Variants in PEX5L observed in about 807,000 individuals in gnomAD.
PEX5L encodes peroxisomal biogenesis factor 5 like, also known as PEX5-related protein.
Under a neutral mutation model 84.0 loss-of-function variants are expected in PEX5L, and 30 were observed. The observed-to-expected ratio is 0.36, with a 90% CI of 0.27 to 0.48. The LOEUF (loss-of-function observed/expected upper bound fraction) is 0.48. Among genes scored for constraint, PEX5L ranks in the 20% least tolerant of loss-of-function variants. The pLI is 0.99. For missense variants in PEX5L, 533 were observed against 754.6 expected (o/e 0.71, Z 3.44); for synonymous variants, 270 against 283.1 (o/e 0.95, Z 0.46).
chr3:179,915,341 T>C lies in PEX5L; in HGVS notation c.94-17095A>G, dbSNP rs190304851. Among the ~76,000 whole-genome samples, 5 of 152,314 alleles carry C rather than the reference T, an allele frequency of 3.3e-5. No homozygotes were observed. The East Asian group carries it at 9.6e-4, about 29-fold the overall frequency. On this transcript the variant is annotated intron_variant, in intron 2 of 14. Transcript: ENST00000467460. The stretch of plus-strand genomic sequence containing the variant: ...GTGCAGTAGTGCTTTGAGTCAATCT[T>C]GTCTGGATCTGAAGATGTGGGGAGA...
intron 8 of PEX5L, among the ~76,000 whole-genome samples, chr3:179,831,014 C>T (rs948513027): frequency 6.6e-6 from 1 of 152,170 alleles, no homozygotes; most frequent in Admixed American, 6.5e-5. Context: ...GAAAGCAGGT[C>T]TACCATTTTA....
intron 8 of PEX5L, among the ~76,000 whole-genome samples, chr3:179,840,157 T>TG (rs376481293): frequency 1.6e-4 from 17 of 109,232 alleles, no homozygotes; most frequent in African/African-American, 4.9e-4. Context: ...CGTCAAGTTG[T>TG]TTTTTGTGTG....
At chr3:179,888,865 A>G (rs888722009) in intron 3 of PEX5L, among the ~76,000 whole-genome samples, 3 of 152,120 alleles carry the variant, frequency 2.0e-5, no homozygotes, top group African/African-American at 4.8e-5. Flanking sequence ...CCTGGGCTCA[A>G]GCTATCCTCG....
chr3:179,964,921 C>T (rs564774897), intron 2 of PEX5L, among the ~76,000 whole-genome samples: 10 of 152,302 alleles, frequency 6.6e-5, no homozygotes, highest in African/African-American at 2.4e-4. Context: ...TAGATATTTT[C>T]CTCATTTTAT....
chr3:179,883,621 TA>T (rs1386131348), intron 4 of PEX5L, among the ~76,000 whole-genome samples: 19 of 152,058 alleles, frequency 1.2e-4, no homozygotes, highest in Non-Finnish European at 1.5e-5. Context: ...CCGTCTCTAC[TA>T]AAAATACAAA....
chr3:179,811,347 T>A (rs765808562), intron 11 of PEX5L, among the ~76,000 whole-genome samples: 6 of 152,144 alleles, frequency 3.9e-5, no homozygotes, highest in Non-Finnish European at 8.8e-5. Flanking sequence ...TGGCAGAGGC[T>A]ACTTTTCCAG....
At chr3:179,863,192 A>G (rs1322368548) in intron 7 of PEX5L, among the ~76,000 whole-genome samples, 1 of 152,216 alleles carries the variant, frequency 6.6e-6, no homozygotes, top group Non-Finnish European at 1.5e-5. Context: ...CCAACTCAAA[A>G]TGGATTGAAG....
chr3:179,997,785 G>A (rs994185089), intron 1 of PEX5L, among the ~76,000 whole-genome samples: 10 of 152,214 alleles, frequency 6.6e-5, no homozygotes, highest in African/African-American at 2.4e-4. Flanking sequence ...CTGGTACCTG[G>A]TATGCAGCCA....
chr3:179,877,264 C>T (rs1752728786), intron 5 of PEX5L, among the ~76,000 whole-genome samples: 1 of 152,170 alleles, frequency 6.6e-6, no homozygotes, highest in South Asian at 2.1e-4. Flanking sequence ...TCTGTATATA[C>T]CACATTGTGT....
intron 2 of PEX5L, among the ~76,000 whole-genome samples, chr3:179,966,213 G>A (rs1783295021): frequency 6.6e-6 from 1 of 152,154 alleles, no homozygotes; most frequent in Admixed American, 6.6e-5. Flanking sequence ...GAATGTCTCA[G>A]AGTTTCATGC....
At chr3:179,847,883 A>C (rs1451399654) in intron 8 of PEX5L, among the ~76,000 whole-genome samples, 1 of 151,434 alleles carries the variant, frequency 6.6e-6, no homozygotes, top group East Asian at 1.9e-4. Context: ...TCTTTTGTAG[A>C]GATAGGGTCT....
intron 7 of PEX5L, among the ~76,000 whole-genome samples, chr3:179,865,539 A>G (rs947377286): frequency 2.0e-5 from 3 of 151,996 alleles, no homozygotes; most frequent in Admixed American, 6.6e-5. Context: ...TCACAGGCAA[A>G]AGCTGTGGGA....
chr3:179,810,186 T>A (rs1315698795), intron 11 of PEX5L, among the ~76,000 whole-genome samples: 1 of 151,778 alleles, frequency 6.6e-6, no homozygotes, highest in African/African-American at 2.4e-5. Flanking sequence ...ATTTTGTATT[T>A]TTAGTAGAGA....
intron 1 of PEX5L, among the ~76,000 whole-genome samples, chr3:179,984,002 C>A (rs879317365): frequency 1.3e-5 from 2 of 151,978 alleles, no homozygotes; most frequent in African/African-American, 4.8e-5. Context: ...AGTTAAAGAT[C>A]CATTCAAAGT....
At chr3:179,851,969 T>C (rs1274127532) in intron 8 of PEX5L, among the ~76,000 whole-genome samples, 2 of 152,174 alleles carry the variant, frequency 1.3e-5, no homozygotes, top group African/African-American at 4.8e-5. Context: ...GAGTATTAAA[T>C]GGTGTTAGGA....
At chr3:180,019,866 G>T (rs986058187) in intron 1 of PEX5L, among the ~76,000 whole-genome samples, 7 of 152,072 alleles carry the variant, frequency 4.6e-5, no homozygotes, top group Non-Finnish European at 8.8e-5. Flanking sequence ...ATAATATAAG[G>T]ATATTTCTAA....
At chr3:179,846,027 G>A (rs56310956) in intron 8 of PEX5L, among the ~76,000 whole-genome samples, 32,205 of 151,966 alleles carry the variant, frequency 0.21, 3,575 homozygotes, top group Non-Finnish European at 0.25. Context: ...AAAATTAGCC[G>A]GCCATGGTGG....
chr3:179,922,512 G>A (rs911051371), intron 2 of PEX5L, among the ~76,000 whole-genome samples: 5 of 149,916 alleles, frequency 3.3e-5, no homozygotes, highest in Admixed American at 6.7e-5. Context: ...GCAGTGGCGC[G>A]GTCTCGGCTC....
chr3:179,815,949 T>G lies in PEX5L; in HGVS notation c.995A>C (p.Glu332Ala). Reference protein sequence around the residue: ...PFKDWPGAFEEGLKRLKEGDL... With the variant: ...PFKDWPGAFEAGLKRLKEGDL... ...CCCTTCCTTCAGCCTTTTTAAGCCTTCTTCAAATGCTCCAGGCCAGTCCTT... is the reference window on the plus strand; with the variant it reads ...CCCTTCCTTCAGCCTTTTTAAGCCTGCTTCAAATGCTCCAGGCCAGTCCTT... Residue 332 changes from glutamate to alanine, a missense_variant, in exon 10 of 15, where the codon GAA (glutamate) becomes GCA (alanine). Glu to Ala is a moderately radical substitution (Grantham distance 107, BLOSUM62 -1). This residue lies in a region of PEX5L where 58 missense variants were observed against 56.4 expected (regional missense o/e 1.03). Coordinates refer to ENST00000467460, the MANE Select transcript of PEX5L (RefSeq NM_016559.3). 5 of 1,614,190 alleles carry G rather than the reference T, an allele frequency of 3.1e-6. No homozygotes were observed. The highest frequency in any genetic ancestry group is 4.2e-6 in the Non-Finnish European group (5 of 1,180,014).
Sources: gnomAD v4.1 joint callset for allele counts (sites outside exome capture counted in the v4.1 genomes callset) on GRCh38, gnomAD v4.1.1 for gene constraint, gnomAD v4.1.1 regional missense constraint, MANE v1.5 for transcripts, NCBI Gene and HGNC (gene_info 2026-07-23, HGNC 2026-07-21) for gene names.